The following CACNA1C variants were observed in gnomAD, a reference collection of about 807,000 sequenced individuals.
CACNA1C encodes the protein voltage-dependent L-type calcium channel subunit alpha-1C.
In CACNA1C, 30 loss-of-function variants were observed where a neutral mutation model predicts 229.0. That is an observed-to-expected ratio of 0.13 (90% CI 0.10 to 0.18). The LOEUF (loss-of-function observed/expected upper bound fraction) is 0.18, where lower values mean the gene tolerates loss of function less well. CACNA1C is among the 10% of genes least tolerant of loss of function. CACNA1C has a pLI of 1.00. For missense variants in CACNA1C, 1,658 were observed against 2,845.0 expected (o/e 0.58, Z 9.49); for synonymous variants, 1,114 against 1,132.5 (o/e 0.98, Z 0.33).
intron 3 of CACNA1C, among the ~76,000 whole-genome samples, chr12:2,267,934 C>G (rs906877298): frequency 4.6e-5 from 7 of 152,232 alleles, no homozygotes; most frequent in African/African-American, 1.7e-4. Flanking sequence ...TGACACTGTT[C>G]AGGATCGATT....
At chr12:2,372,595 AAAT>A (rs1012200787) in intron 3 of CACNA1C, among the ~76,000 whole-genome samples, 5 of 152,146 alleles carry the variant, frequency 3.3e-5, no homozygotes, top group Non-Finnish European at 2.9e-5. Flanking sequence ...CACATTACCA[AAAT>A]AATAATAATA....
intron 1 of CACNA1C, among the ~76,000 whole-genome samples, chr12:2,094,707 T>G (rs1357934499): frequency 1.3e-5 from 2 of 151,964 alleles, no homozygotes; most frequent in Non-Finnish European, 2.9e-5. Flanking sequence ...TCAGCCCCAC[T>G]CAAAAAAGTG....
At chr12:2,164,037 G>T (rs1405887192) in intron 3 of CACNA1C, among the ~76,000 whole-genome samples, 2 of 152,272 alleles carry the variant, frequency 1.3e-5, no homozygotes, top group East Asian at 3.9e-4. Flanking sequence ...TATCCCTAGG[G>T]CCTGGAGTGG....
At chr12:2,685,595 T>C (rs2097413256) in intron 43 of CACNA1C, 141 bp from the exon 44 acceptor site, 3 of 659,186 alleles carry the variant, frequency 4.6e-6, no homozygotes, top group Non-Finnish European at 8.4e-6. Context: ...GGGGTGGCAA[T>C]TCCCCAAACC....
chr12:2,282,801 G>C (rs1241682156), intron 3 of CACNA1C, among the ~76,000 whole-genome samples: 1 of 152,186 alleles, frequency 6.6e-6, no homozygotes, highest in Non-Finnish European at 1.5e-5. Flanking sequence ...TCAAGTAACA[G>C]GATACTTAAG....
intron 3 of CACNA1C, among the ~76,000 whole-genome samples, chr12:2,139,938 C>T (rs933042287): frequency 6.6e-6 from 1 of 151,066 alleles, no homozygotes; most frequent in Non-Finnish European, 1.5e-5. Context: ...CTCCCTGGCT[C>T]TCAGGGTGCT....
At chr12:2,173,137 T>C (rs746145667) in intron 3 of CACNA1C, among the ~76,000 whole-genome samples, 4 of 152,124 alleles carry the variant, frequency 2.6e-5, no homozygotes, top group Non-Finnish European at 4.4e-5. Flanking sequence ...CTAACCCAGG[T>C]CCACTTCACT....
At chr12:2,177,486 T>C (rs773950884) in intron 3 of CACNA1C, among the ~76,000 whole-genome samples, 1 of 151,782 alleles carries the variant, frequency 6.6e-6, no homozygotes, top group Non-Finnish European at 1.5e-5. Context: ...TCTCTTTCTT[T>C]TCTTGTCTTT....
At chr12:2,412,507 G>A (rs992310000) in intron 3 of CACNA1C, among the ~76,000 whole-genome samples, 4 of 152,224 alleles carry the variant, frequency 2.6e-5, no homozygotes, top group Non-Finnish European at 5.9e-5. Flanking sequence ...GCGCCCCCGC[G>A]GCCAGAGGCT....
At chr12:2,271,613 G>A (rs1430138472) in intron 3 of CACNA1C, among the ~76,000 whole-genome samples, 3 of 152,168 alleles carry the variant, frequency 2.0e-5, no homozygotes, top group Non-Finnish European at 4.4e-5. Context: ...TTTAAATTGT[G>A]TCAAGGCCAG....
At chr12:2,378,874 A>G (rs1382518014) in intron 3 of CACNA1C, among the ~76,000 whole-genome samples, 1 of 147,530 alleles carries the variant, frequency 6.8e-6, no homozygotes, top group Admixed American at 6.8e-5. Context: ...TTCTTTGCCA[A>G]TAGGCCACCG....
Position 2,638,226 on chromosome 12 carries a change from G to T in CACNA1C, c.3912+3846G>T, listed in dbSNP as rs566866561. On this transcript the variant is annotated intron_variant, in intron 30 of 46. Transcript: ENST00000399655. ...GAAAAAAAGTAGTGCCAGATAAGGGGGCTCCAAGGTGCTGGGGAGCAGTGA... is the reference window on the plus strand; with the variant it reads ...GAAAAAAAGTAGTGCCAGATAAGGGTGCTCCAAGGTGCTGGGGAGCAGTGA... Among the ~76,000 whole-genome samples, 14 of 152,308 alleles carry T rather than the reference G, an allele frequency of 9.2e-5. No individual in the cohort carries two copies. In the South Asian group the frequency reaches 2.5e-3, roughly 27 times the overall value.
At chr12:2,165,743 A>G (rs1021549952) in intron 3 of CACNA1C, among the ~76,000 whole-genome samples, 1 of 152,018 alleles carries the variant, frequency 6.6e-6, no homozygotes, top group South Asian at 2.1e-4. Flanking sequence ...GTGTGTGTGT[A>G]TGTGTGTGTA....
intron 13 of CACNA1C, among the ~76,000 whole-genome samples, chr12:2,569,687 T>C (rs909699662): frequency 1.3e-5 from 2 of 152,264 alleles, no homozygotes; most frequent in Non-Finnish European, 2.9e-5. Context: ...TGTGTATTCA[T>C]GTATCAGTGA....
intron 3 of CACNA1C, among the ~76,000 whole-genome samples, chr12:2,228,003 C>T (rs1454603781): frequency 1.3e-5 from 2 of 152,154 alleles, no homozygotes; most frequent in Non-Finnish European, 2.9e-5. Flanking sequence ...TGTGCTGGAG[C>T]GTCTGCAAGA....
intron 13 of CACNA1C, among the ~76,000 whole-genome samples, chr12:2,572,695 TTCTCCTCTTCC>T (rs2056431636): frequency 2.0e-5 from 1 of 49,158 alleles, no homozygotes; most frequent in Non-Finnish European, 4.1e-5. Flanking sequence ...CTCTTCCTCC[TTCTCCTCTTCC>T]TCCTCCTCTT....
At chr12:2,380,030 C>CAAAAAAAAAA (rs1172016514) in intron 3 of CACNA1C, among the ~76,000 whole-genome samples, 9 of 80,144 alleles carry the variant, frequency 1.1e-4, no homozygotes, top group Admixed American at 2.5e-4. Flanking sequence ...GACTCCGTCT[C>CAAAAAAAAAA]AAAAAAAAAA....
At chr12:2,233,487 A>T (rs1187070532) in intron 3 of CACNA1C, among the ~76,000 whole-genome samples, 1 of 152,122 alleles carries the variant, frequency 6.6e-6, no homozygotes. Flanking sequence ...TTGGTTCTGT[A>T]TATTATCAGA....
At position 2,665,916 on chromosome 12, in the gene CACNA1C, G is replaced by T. The variant is rs1293919790; in HGVS notation, c.4526+208G>T. On this transcript the variant is annotated intron_variant, in intron 36 of 46. Transcript: ENST00000399655. The surrounding 1 kb of genome is among the most constrained non-coding windows in gnomAD (Gnocchi z 5.9). ...CAAGAATGTATCTACTAGGTTGGGT[G>T]GGGTGGCTCACACCTGTAATCCCAG... Among the ~76,000 whole-genome samples the T allele has an allele frequency of 6.6e-6, 1 of 152,178 alleles. No individual in the cohort carries two copies. Among genetic ancestry groups the T allele is most frequent in the Non-Finnish European group, 1.5e-5 (1 of 68,034 alleles).
Sources: allele counts gnomAD v4.1 joint callset (sites outside exome capture counted in the v4.1 genomes callset), GRCh38; gene constraint gnomAD v4.1.1; non-coding constraint Gnocchi (gnomAD v3.1); transcripts MANE v1.5; gene names NCBI Gene and HGNC (gene_info 2026-07-23, HGNC 2026-07-21).